LDLRAD3: variants seen among roughly 807,000 people sequenced by gnomAD.
The protein encoded by LDLRAD3 is low density lipoprotein receptor class A domain containing 3.
LDLRAD3 carries 20 observed loss-of-function variants against 29.4 expected under a neutral mutation model. The ratio of observed to expected loss-of-function variants is 0.68; its 90% CI spans 0.48 to 0.99. The LOEUF is 0.99. Among genes scored for constraint, LDLRAD3 ranks in the 50% least tolerant of loss-of-function variants. LDLRAD3 has a pLI of 0.00. For synonymous variants in LDLRAD3, 157 were observed against 192.7 expected, an observed-to-expected ratio of 0.81 and a Z score of 1.53; for missense variants, 420 against 454.3, an observed-to-expected ratio of 0.92 and a Z score of 0.69.
At chr11:36,175,893 A>C (rs905895485) in intron 4 of LDLRAD3, among the ~76,000 whole-genome samples, 1 of 152,156 alleles carries the variant, frequency 6.6e-6, no homozygotes, top group African/African-American at 2.4e-5. Context: ...GTCTAGTGCT[A>C]TCAGTGGAGT....
At chr11:36,133,343 ATTTTCTTTTCCTTTC>A (rs1265239159) in intron 4 of LDLRAD3, among the ~76,000 whole-genome samples, 3 of 136,846 alleles carry the variant, frequency 2.2e-5, no homozygotes, top group African/African-American at 8.6e-5. Context: ...GCCTGAGTCC[ATTTTCTTTTCCTTTC>A]TTTTCTTTTC....
chr11:36,039,297 C>T (rs767912595), intron 2 of LDLRAD3, among the ~76,000 whole-genome samples: 23 of 152,258 alleles, frequency 1.5e-4, no homozygotes, highest in Non-Finnish European at 1.6e-4. Context: ...CCCTTTCAGC[C>T]TAGGAGTGAG....
intron 4 of LDLRAD3, among the ~76,000 whole-genome samples, chr11:36,206,782 A>T (rs1317414361): frequency 6.8e-6 from 1 of 148,054 alleles, no homozygotes; most frequent in Non-Finnish European, 1.5e-5. Flanking sequence ...GCTAGAGTAC[A>T]GTAGTGCGAT....
intron 4 of LDLRAD3, among the ~76,000 whole-genome samples, chr11:36,170,314 GTATA>G (rs1680626716): frequency 3.5e-4 from 2 of 5,656 alleles, no homozygotes; most frequent in Admixed American, 3.8e-3. Context: ...ACATATATAC[GTATA>G]TATGTATATA....
chr11:36,031,493 A>C (rs1852235361), intron 1 of LDLRAD3, among the ~76,000 whole-genome samples: 1 of 152,194 alleles, frequency 6.6e-6, no homozygotes, highest in Non-Finnish European at 1.5e-5. Context: ...AAGGGAGGAA[A>C]TAAATTAGTG....
At chr11:36,025,005 T>C (rs1852145009) in intron 1 of LDLRAD3, among the ~76,000 whole-genome samples, 1 of 152,252 alleles carries the variant, frequency 6.6e-6, no homozygotes, top group Non-Finnish European at 1.5e-5. Context: ...ACATTTATTT[T>C]TTCCTCCACA....
chr11:36,090,975 A>G (rs1853271702), intron 3 of LDLRAD3, among the ~76,000 whole-genome samples: 1 of 152,186 alleles, frequency 6.6e-6, no homozygotes, highest in African/African-American at 2.4e-5. Flanking sequence ...AGCATTTTCC[A>G]AGTCACAAAG....
chr11:36,034,138 G>A (rs981750382), intron 1 of LDLRAD3, among the ~76,000 whole-genome samples: 2 of 152,002 alleles, frequency 1.3e-5, no homozygotes, highest in South Asian at 2.1e-4. Context: ...CCTCTTTCTC[G>A]GAATCTTTTT....
intron 1 of LDLRAD3, among the ~76,000 whole-genome samples, chr11:36,011,867 C>A (rs1197222942): frequency 6.6e-6 from 1 of 152,160 alleles, no homozygotes; most frequent in African/African-American, 2.4e-5. Context: ...ATAGTGGGTG[C>A]TCCACGAATG....
chr11:36,037,406 C>T (rs959708403), intron 2 of LDLRAD3, among the ~76,000 whole-genome samples: 4 of 152,174 alleles, frequency 2.6e-5, no homozygotes, highest in Admixed American at 2.6e-4. Flanking sequence ...ACCCCCACCT[C>T]CCGGGTTCAA....
intron 4 of LDLRAD3, among the ~76,000 whole-genome samples, chr11:36,162,861 C>T (rs1185189195): frequency 1.3e-5 from 2 of 152,190 alleles, no homozygotes; most frequent in African/African-American, 4.8e-5. Context: ...ATGACAGTCT[C>T]CCTTTCTGGA....
At chr11:36,112,347 C>T (rs1853617438) in intron 4 of LDLRAD3, among the ~76,000 whole-genome samples, 1 of 152,252 alleles carries the variant, frequency 6.6e-6, no homozygotes, top group Non-Finnish European at 1.5e-5. Context: ...CAGGAATACA[C>T]AACCATCTCT....
intron 4 of LDLRAD3, among the ~76,000 whole-genome samples, chr11:36,153,329 T>C (rs945368276): frequency 6.6e-6 from 1 of 152,218 alleles, no homozygotes; most frequent in East Asian, 1.9e-4. Flanking sequence ...CAGAAAGCAC[T>C]TGAGCCCAGG....
Position 36,008,563 on chromosome 11 carries a change from C to T in LDLRAD3, c.47-27540C>T, listed in dbSNP as rs192492725. On this transcript the variant is annotated intron_variant, in intron 1 of 5. Coordinates refer to ENST00000315571, the MANE Select transcript of LDLRAD3 (RefSeq NM_174902.4). ...ATACACAGGCAATTCTTTGGGTGTT[C>T]CAGTCCTATGGGGTGAGAAAGAATG... 1.1e-4 allele frequency among the ~76,000 whole-genome samples: 17 copies of T among 152,280 alleles called. No individual in the cohort carries two copies. In the East Asian group the frequency reaches 3.1e-3, roughly 28 times the overall value.
At chr11:35,959,186 G>T (rs1851245121) in intron 1 of LDLRAD3, among the ~76,000 whole-genome samples, 1 of 152,182 alleles carries the variant, frequency 6.6e-6, no homozygotes. Context: ...GTGTGCTCTT[G>T]TTTGCTGTCT....
intron 4 of LDLRAD3, among the ~76,000 whole-genome samples, chr11:36,191,768 C>G (rs1332596580): frequency 6.6e-6 from 1 of 151,682 alleles, no homozygotes; most frequent in South Asian, 2.1e-4. Context: ...GAGGGGGAAA[C>G]TTTTGTTTTC....
At chr11:36,151,897 G>C (rs1052283577) in intron 4 of LDLRAD3, among the ~76,000 whole-genome samples, 3 of 152,172 alleles carry the variant, frequency 2.0e-5, no homozygotes, top group Non-Finnish European at 4.4e-5. Context: ...ATCATGAGCT[G>C]GGGCTACCAG....
chr11:36,210,612 C>G (rs900478359), intron 4 of LDLRAD3, among the ~76,000 whole-genome samples: 1 of 152,122 alleles, frequency 6.6e-6, no homozygotes, highest in Non-Finnish European at 1.5e-5. Context: ...AATAGAGCCT[C>G]CAGCACCTTG....
chr11:36,054,413 G>C (rs1171983881), intron 2 of LDLRAD3, among the ~76,000 whole-genome samples: 1 of 152,214 alleles, frequency 6.6e-6, no homozygotes, highest in Non-Finnish European at 1.5e-5. Flanking sequence ...GTGAATTCCA[G>C]AGTAGACCGG....
Sources: allele counts gnomAD v4.1 joint callset (sites outside exome capture counted in the v4.1 genomes callset), GRCh38; gene constraint gnomAD v4.1.1; transcripts MANE v1.5; gene names NCBI Gene and HGNC (gene_info 2026-07-23, HGNC 2026-07-21).